The following FRMPD1 variants were observed in gnomAD, a reference collection of about 807,000 sequenced individuals.
FRMPD1 encodes the protein FERM and PDZ domain containing 1.
In FRMPD1, 76 loss-of-function variants were observed where a neutral mutation model predicts 117.8. That is an observed-to-expected ratio of 0.65 (90% CI 0.54 to 0.78). FRMPD1 has a LOEUF of 0.78. FRMPD1 is among the 30% of genes least tolerant of loss of function. FRMPD1 has a pLI of 0.00. For missense variants in FRMPD1, 1,786 were observed against 1,964.5 expected (o/e 0.91, Z 1.72); for synonymous variants, 783 against 770.4 (o/e 1.02, Z -0.27).
chr9:37,655,789 C>T (rs1167799332), intron 1 of FRMPD1, among the ~76,000 whole-genome samples: 1 of 152,040 alleles, frequency 6.6e-6, no homozygotes, highest in African/African-American at 2.4e-5. Flanking sequence ...AGGCATGAGT[C>T]CCCGTGCCCA....
Position 37,683,868 on chromosome 9 carries a change from C to T in FRMPD1, c.-4-8770C>T, listed in dbSNP as rs537673308. 2.9e-5 allele frequency among the ~76,000 whole-genome samples: 4 copies of T among 137,018 alleles called. No homozygotes were observed. The South Asian group carries it at 9.5e-4, about 33-fold the overall frequency. The allele number at this position is 137,018 out of a possible 152,430, so 89.9% of individuals were successfully genotyped here. Reference sequence around the variant, plus strand: ...GGGGGAGATGAAGTTAGCAAGTAGGCAGGGCCAGATCACAAAAGGCTTTGG... The same window carrying T: ...GGGGGAGATGAAGTTAGCAAGTAGGTAGGGCCAGATCACAAAAGGCTTTGG... On this transcript the variant is annotated intron_variant, in intron 1 of 15. Coordinates refer to ENST00000377765, the MANE Select transcript of FRMPD1 (RefSeq NM_014907.3).
intron 5 of FRMPD1, among the ~76,000 whole-genome samples, chr9:37,715,273 C>T (rs973759230): frequency 6.6e-6 from 1 of 152,090 alleles, no homozygotes; most frequent in Admixed American, 6.5e-5. Flanking sequence ...ACTCATTATT[C>T]CCCTTTTACA....
At chr9:37,627,662 C>CA in the FRMPD1 span, among the ~76,000 whole-genome samples, 3 of 152,108 alleles carry the variant, frequency 2.0e-5, no homozygotes, top group Non-Finnish European at 4.4e-5. Context: ...TTTATAGAGA[C>CA]AAGGTCTCAC....
chr9:37,733,541 A>G lies in FRMPD1; in HGVS notation c.1064A>G (p.Lys355Arg). The change falls in exon 11 of 16, where the codon AAG becomes AGG. Residue 355 changes from lysine (K) to arginine (R), a missense_variant. Lys to Arg is a conservative substitution (Grantham distance 26). Coordinates refer to ENST00000377765, the MANE Select transcript of FRMPD1 (RefSeq NM_014907.3). ...CGAAACATGAAAGGCAAAGACATCAAGAAAGCCATTAGCTTCCACATGAAG... is the reference window on the plus strand; with the variant it reads ...CGAAACATGAAAGGCAAAGACATCAGGAAAGCCATTAGCTTCCACATGAAG... ...LLRNMKGKDI[K>R]KAISFHMKRN... 1 of 1,613,914 alleles carries G rather than the reference A, an allele frequency of 6.2e-7. No individual in the cohort carries two copies. Among genetic ancestry groups the G allele is most frequent in the African/African-American group, 1.3e-5 (1 of 75,046 alleles).
At chr9:37,692,799 G>A (rs1822190316) in intron 2 of FRMPD1, 57 bp downstream of exon 2, 1 of 1,236,522 alleles carries the variant, frequency 8.1e-7, no homozygotes, top group Admixed American at 1.7e-5. Flanking sequence ...CCCGGGGGAG[G>A]AGCTTGTGCT....
chr9:37,708,084 C>T (rs1428460745), intron 3 of FRMPD1, among the ~76,000 whole-genome samples: 1 of 152,332 alleles, frequency 6.6e-6, no homozygotes, highest in African/African-American at 2.4e-5. Flanking sequence ...ACTACACATA[C>T]ACACCAGAGT....
chr9:37,637,944 T>TC, the FRMPD1 span, among the ~76,000 whole-genome samples: 1 of 140,542 alleles, frequency 7.1e-6, no homozygotes. Context: ...AATTCTGATT[T>TC]CAAAGGAAAA....
the FRMPD1 span, among the ~76,000 whole-genome samples, chr9:37,621,091 G>C: frequency 1.1e-4 from 17 of 152,266 alleles, no homozygotes; most frequent in Admixed American, 1.1e-3. Context: ...GGGAATAAGA[G>C]AGAAGGAGTG....
At chr9:37,734,444 A>C (rs1302901976) in intron 12 of FRMPD1, among the ~76,000 whole-genome samples, 1 of 151,662 alleles carries the variant, frequency 6.6e-6, no homozygotes. Flanking sequence ...CTCTCTTCCC[A>C]TTCTCCTGCC....
At chr9:37,618,011 G>A in the FRMPD1 span, among the ~76,000 whole-genome samples, 1 of 152,170 alleles carries the variant, frequency 6.6e-6, no homozygotes, top group Non-Finnish European at 1.5e-5. Context: ...AAAGGGTGGG[G>A]CAGCCCCAGC....
the FRMPD1 span, among the ~76,000 whole-genome samples, chr9:37,643,117 G>T: frequency 4.1e-4 from 62 of 152,318 alleles, no homozygotes; most frequent in African/African-American, 1.5e-3. Context: ...AGGACTGGAA[G>T]TTCTAGGTGT....
At chr9:37,704,132 C>T (rs1822620349) in intron 2 of FRMPD1, among the ~76,000 whole-genome samples, 2 of 152,202 alleles carry the variant, frequency 1.3e-5, no homozygotes, top group South Asian at 2.1e-4. Context: ...GTGAAAGCCA[C>T]ACTATGCAGT....
chr9:37,637,123 G>C, the FRMPD1 span: 1 of 1,604,272 alleles, frequency 6.2e-7, no homozygotes. Flanking sequence ...TCTGAAGTTT[G>C]ATAGTTTTGC....
intron 1 of FRMPD1, chr9:37,668,628 T>G (rs1224264092): frequency 1.3e-5 from 2 of 152,284 alleles, no homozygotes; most frequent in African/African-American, 4.8e-5. Context: ...TAACGTGTGC[T>G]GCTTTCTCTA....
chr9:37,733,333 GA>G, intron 10 of FRMPD1, 139 bp from the exon 11 acceptor site: 1 of 790,992 alleles, frequency 1.3e-6, no homozygotes, highest in Non-Finnish European at 2.1e-6. Context: ...GTGTGAGAAA[GA>G]AAAAGAGAGG....
intron 7 of FRMPD1, among the ~76,000 whole-genome samples, chr9:37,726,655 G>C (rs1398678558): frequency 6.6e-6 from 1 of 152,080 alleles, no homozygotes; most frequent in Non-Finnish European, 1.5e-5. Flanking sequence ...CCGAGACCAT[G>C]CCACTGCACT....
intron 2 of FRMPD1, among the ~76,000 whole-genome samples, chr9:37,693,526 G>A (rs17415730): frequency 0.18 from 28,053 of 152,090 alleles, 3,082 homozygotes; most frequent in Non-Finnish European, 0.25. Flanking sequence ...CTCACACACC[G>A]AGGTCAGATA....
At chr9:37,638,926 T>G in the FRMPD1 span, among the ~76,000 whole-genome samples, 11 of 152,132 alleles carry the variant, frequency 7.2e-5, no homozygotes, top group Non-Finnish European at 1.0e-4. Context: ...AGAGCAGAGG[T>G]TCCCCAACTT....
chr9:37,703,911 G>A (rs1283667900), intron 2 of FRMPD1, among the ~76,000 whole-genome samples: 1 of 152,170 alleles, frequency 6.6e-6, no homozygotes, highest in Non-Finnish European at 1.5e-5. Context: ...ATTAGTTGAT[G>A]GACATTCGAG....
Sources: allele counts gnomAD v4.1 joint callset (sites outside exome capture counted in the v4.1 genomes callset), GRCh38; gene constraint gnomAD v4.1.1; transcripts MANE v1.5; gene names NCBI Gene and HGNC (gene_info 2026-07-23, HGNC 2026-07-21).